Variants in ZFYVE27 observed in about 807,000 individuals in gnomAD.
The protein encoded by ZFYVE27 is protrudin.
A neutral mutation model predicts 52.8 loss-of-function variants in ZFYVE27; 36 were observed. The observed-to-expected ratio is 0.68, with a 90% CI of 0.52 to 0.90. ZFYVE27 has a LOEUF of 0.90. ZFYVE27 is among the 40% of genes least tolerant of loss of function. The probability of loss-of-function intolerance (pLI) is 0.00; values close to 1 mark genes in which losing one functional copy is unlikely to be tolerated. For missense variants in ZFYVE27, 450 were observed against 527.2 expected (o/e 0.85, Z 1.43); for synonymous variants, 223 against 215.6 (o/e 1.03, Z -0.30).
chr10:97,753,414 A>G (rs2047522460), intron 10 of ZFYVE27, among the ~76,000 whole-genome samples: 1 of 152,148 alleles, frequency 6.6e-6, no homozygotes, highest in South Asian at 2.1e-4. Flanking sequence ...CTGATTGGAC[A>G]TTCAGTTGTG....
chr10:97,754,030 T>C (rs2047693751), intron 10 of ZFYVE27, among the ~76,000 whole-genome samples: 1 of 152,142 alleles, frequency 6.6e-6, no homozygotes, highest in Admixed American at 6.5e-5. Flanking sequence ...AGTAGCTAGG[T>C]TGACCTGGGA....
chr10:97,757,874 C>G, intron 12 of ZFYVE27, 151 bp downstream of exon 12: 2 of 666,514 alleles, frequency 3.0e-6, no homozygotes, highest in Non-Finnish European at 5.3e-6. Context: ...TTAGCAAAAT[C>G]CTGAAACATT....
intron 12 of ZFYVE27, chr10:97,757,989 G>A (rs1315294159): frequency 1.1e-5 from 5 of 451,468 alleles, no homozygotes; most frequent in African/African-American, 9.9e-5. Context: ...CAAGAGCCCT[G>A]GCAACACCCC....
chr10:97,745,816 A>T lies in ZFYVE27; in HGVS notation c.455+901A>T, dbSNP rs556105077. ...AGACTTGAAAAATATTCATCTAACA[A>T]CTTCAGTAGCAGTGGACGTTTACAC... On this transcript the variant is annotated intron_variant, in intron 4 of 12. Coordinates refer to ENST00000684270, the MANE Select transcript of ZFYVE27 (RefSeq NM_001385875.1). Among the ~76,000 whole-genome samples the T allele has an allele frequency of 2.0e-5, 3 of 151,986 alleles. No individual in the cohort carries two copies. The South Asian group carries it at 6.2e-4, about 32-fold the overall frequency.
At chr10:97,750,055 ATTTGT>A (rs569506990) in intron 6 of ZFYVE27, 68 of 483,532 alleles carry the variant, frequency 1.4e-4, no homozygotes, top group African/African-American at 1.2e-3. Flanking sequence ...TGATTGCTGT[ATTTGT>A]TTTCCTCCCT....
chr10:97,751,677 G>A (rs2047034076), intron 8 of ZFYVE27, among the ~76,000 whole-genome samples: 1 of 152,202 alleles, frequency 6.6e-6, no homozygotes, highest in African/African-American at 2.4e-5. Flanking sequence ...AGTGGCTCTG[G>A]AAGTCTCCGG....
Position 97,738,678 on chromosome 10 carries a change from C to A in ZFYVE27, c.197+4C>A, listed in dbSNP as rs1194425907. On this transcript the variant is annotated splice_donor_region_variant and intron_variant, in intron 2 of 12. Transcript: ENST00000684270. ...ATGGTGTTCGATACTTGCTCAGGTA[C>A]AGACTTTGTGGAGTTGCTCTGGTCT... The A allele has an allele frequency of 2.5e-6, 4 of 1,614,108 alleles. No homozygotes were observed. The highest frequency in any genetic ancestry group is 3.4e-6 in the Non-Finnish European group (4 of 1,180,042).
chr10:97,754,577 A>C, intron 10 of ZFYVE27: 5 of 1,194,042 alleles, frequency 4.2e-6, no homozygotes, highest in Non-Finnish European at 5.4e-6. Flanking sequence ...GGTCTTCCAA[A>C]GTGTTAGGAT....
chr10:97,748,383 C>T lies in ZFYVE27; in HGVS notation c.551+19C>T. 3 of 1,611,228 alleles carry T rather than the reference C, an allele frequency of 1.9e-6. No individual in the cohort carries two copies. Among genetic ancestry groups the T allele is most frequent in the African/African-American group, 1.3e-5 (1 of 75,026 alleles). ...CCTCACAGTGAGTGACCCCTCCTCT[C>T]CCGCCACCACCCTATAGGAATTTGC... On this transcript the variant is annotated intron_variant, in intron 5 of 12. Transcript: ENST00000684270.
At chr10:97,745,910 A>G (rs2045202697) in intron 4 of ZFYVE27, among the ~76,000 whole-genome samples, 1 of 152,086 alleles carries the variant, frequency 6.6e-6, no homozygotes, top group South Asian at 2.1e-4. Flanking sequence ...GTTATAAACA[A>G]ACAGATGGCT....
chr10:97,750,116 A>G (rs926487238), intron 6 of ZFYVE27: 7 of 588,156 alleles, frequency 1.2e-5, no homozygotes, highest in Non-Finnish European at 1.2e-5. Context: ...TTGAGCATTT[A>G]CTACATTTAA....
At chr10:97,750,980 T>C (rs1235201036) in intron 7 of ZFYVE27, among the ~76,000 whole-genome samples, 1 of 152,150 alleles carries the variant, frequency 6.6e-6, no homozygotes, top group Non-Finnish European at 1.5e-5. Flanking sequence ...TGGGCTCAAG[T>C]GATGTGCCTG....
chr10:97,740,255 G>T (rs187826506), intron 2 of ZFYVE27, among the ~76,000 whole-genome samples: 1 of 152,330 alleles, frequency 6.6e-6, no homozygotes, highest in African/African-American at 2.4e-5. Context: ...CTCTGGCAAA[G>T]GCCCTACATT....
intron 10 of ZFYVE27, among the ~76,000 whole-genome samples, chr10:97,755,880 G>A (rs1268283356): frequency 6.6e-6 from 1 of 152,198 alleles, no homozygotes; most frequent in Non-Finnish European, 1.5e-5. Context: ...TGGTGAGTGA[G>A]GATGGGTGAG....
intron 2 of ZFYVE27, among the ~76,000 whole-genome samples, chr10:97,742,217 G>C (rs2043893288): frequency 1.3e-5 from 2 of 151,818 alleles, no homozygotes; most frequent in Admixed American, 6.6e-5. Context: ...CTCTCTCCTA[G>C]TGGCTCACCT....
intron 10 of ZFYVE27, among the ~76,000 whole-genome samples, chr10:97,755,047 T>A (rs2048004127): frequency 6.6e-6 from 1 of 152,224 alleles, no homozygotes; most frequent in South Asian, 2.1e-4. Context: ...AAGTCCCTTG[T>A]TTTATGCCTG....
chr10:97,757,932 G>C, intron 12 of ZFYVE27: 1 of 569,068 alleles, frequency 1.8e-6, no homozygotes, highest in Non-Finnish European at 3.1e-6. Context: ...ATTGTGAAGG[G>C]TAATAACAAG....
In ZFYVE27 at chr10:97,758,678, A is replaced by G. The variant is rs146020646; in HGVS notation, c.1172-558A>G. 4.9e-3 allele frequency among the ~76,000 whole-genome samples: 743 copies of G among 152,306 alleles called. 9 individuals carry two copies. The highest frequency in any genetic ancestry group is 0.016 in the African/African-American group (653 of 41,552). ...TATGCTTACTAACTAGAAAATTTGG[A>G]AATTATTATACAGAGGACGAAGGAA... On this transcript the variant is annotated intron_variant, in intron 12 of 12. Transcript: ENST00000684270.
chr10:97,746,110 G>A (rs1020482189), intron 4 of ZFYVE27, among the ~76,000 whole-genome samples: 3 of 147,792 alleles, frequency 2.0e-5, no homozygotes, highest in East Asian at 2.0e-4. Flanking sequence ...ATGCAGTGGC[G>A]TGATCTCGGC....
Sources: gnomAD v4.1 joint callset for allele counts (sites outside exome capture counted in the v4.1 genomes callset) on GRCh38, gnomAD v4.1.1 for gene constraint, MANE v1.5 for transcripts, NCBI Gene and HGNC (gene_info 2026-07-23, HGNC 2026-07-21) for gene names.